Variants in NME9 observed in about 807,000 individuals in gnomAD.
NME9 encodes the protein thioredoxin domain-containing protein 6.
NME9 carries 48 observed loss-of-function variants against 44.4 expected under a neutral mutation model. The ratio of observed to expected loss-of-function variants is 1.08; its 90% confidence interval spans 0.86 to 1.37. NME9 has a LOEUF of 1.37. NME9 is among the 40% of genes most tolerant of loss of function. The probability of loss-of-function intolerance (pLI) is 0.00; values close to 1 mark genes in which losing one functional copy is unlikely to be tolerated. For synonymous variants in NME9, 139 were observed against 147.1 expected, an observed-to-expected ratio of 0.94 and a Z score of 0.40; for missense variants, 325 against 405.2, an observed-to-expected ratio of 0.80 and a Z score of 1.70.
At chr3:138,319,292 G>A (rs1401410545) in intron 3 of NME9, among the ~76,000 whole-genome samples, 186 bp downstream of exon 3, 2 of 152,128 alleles carry the variant, frequency 1.3e-5, no homozygotes. Flanking sequence ...GAGGTGGGGT[G>A]GGGAATAGGA....
intron 8 of NME9, among the ~76,000 whole-genome samples, chr3:138,283,685 G>A (rs1441480497): frequency 1.3e-5 from 2 of 152,102 alleles, no homozygotes; most frequent in Non-Finnish European, 2.9e-5. Flanking sequence ...CCTCCTGCTG[G>A]TCTGGCTTTG....
At chr3:138,264,120 A>C (rs1244039269) in intron 8 of NME9, 1 of 1,607,362 alleles carries the variant, frequency 6.2e-7, no homozygotes, top group Non-Finnish European at 8.5e-7. Flanking sequence ...AATTTTGATT[A>C]TTCTTTGTAG....
In NME9 at chr3:138,295,176, G is replaced by C. The variant is rs373654737; in HGVS notation, c.745+8331C>G. ...AGCCTCCCAAAGTGCTGGAATTACA[G>C]GTGTGAGCCACAGCACCCGGCCTAC... On this transcript the variant is annotated intron_variant, in intron 8 of 8. Coordinates refer to the NME9 transcript ENST00000317876. 9.2e-5 allele frequency among the ~76,000 whole-genome samples: 14 copies of C among 152,254 alleles called. No individual in the cohort carries two copies. The East Asian group carries it at 2.5e-3, about 27-fold the overall frequency.
chr3:138,264,994 C>T (rs1458708566), intron 8 of NME9, among the ~76,000 whole-genome samples: 2 of 151,702 alleles, frequency 1.3e-5, no homozygotes, highest in South Asian at 2.1e-4. Flanking sequence ...TGCCCCCCGG[C>T]CCAAGTGATT....
intron 8 of NME9, among the ~76,000 whole-genome samples, chr3:138,288,275 A>G (rs967094514): frequency 9.2e-5 from 14 of 152,222 alleles, no homozygotes; most frequent in African/African-American, 3.4e-4. Flanking sequence ...GGGCCATTTG[A>G]ATAAGATAAC....
intron 1 of NME9, among the ~76,000 whole-genome samples, chr3:138,325,880 C>G (rs996130693): frequency 1.0e-4 from 15 of 146,892 alleles, no homozygotes; most frequent in African/African-American, 3.3e-4. Context: ...TCCTATATAA[C>G]ACATTACGAT....
chr3:138,309,059 G>T lies in NME9; in HGVS notation c.461-2579C>A, dbSNP rs1031972981. Among the ~76,000 whole-genome samples, 137 of 152,160 alleles carry T rather than the reference G, an allele frequency of 9.0e-4. 3 individuals carry two copies. Among genetic ancestry groups the T allele is most frequent in the Non-Finnish European group, 3.4e-4 (23 of 68,006 alleles). On this transcript the variant is annotated intron_variant, in intron 6 of 10. Transcript: ENST00000333911. ...GTGGCCCAGCACTTTGGGAGGCTGAGGTGGGCAGATCACCTGACATCAGGG... is the reference window on the plus strand; with the variant it reads ...GTGGCCCAGCACTTTGGGAGGCTGATGTGGGCAGATCACCTGACATCAGGG...
At chr3:138,310,317 A>G (rs2052605150) in intron 6 of NME9, among the ~76,000 whole-genome samples, 1 of 151,772 alleles carries the variant, frequency 6.6e-6, no homozygotes, top group Admixed American at 6.6e-5. Context: ...ATACAATACT[A>G]CAATACATAG....
At chr3:138,300,591 C>T (rs575961732), downstream of NME9, among the ~76,000 whole-genome samples, 1 of 152,318 alleles carries the variant, frequency 6.6e-6, no homozygotes, top group African/African-American at 2.4e-5. Context: ...TTACTGAAAT[C>T]CTGTGTCCCT....
intron 8 of NME9, among the ~76,000 whole-genome samples, chr3:138,286,908 T>C (rs575837431): frequency 4.6e-5 from 7 of 152,224 alleles, no homozygotes; most frequent in South Asian, 2.1e-4. Flanking sequence ...GATAGCATCT[T>C]GGAATCTATC....
chr3:138,304,785 A>G lies in NME9; in HGVS notation c.791+88T>C. 7 of 1,320,906 alleles carry G rather than the reference A, an allele frequency of 5.3e-6. No individual in the cohort carries two copies. The Admixed American group carries it at 1.2e-4, about 22-fold the overall frequency. 81.8% of individuals were successfully genotyped at this position (1,320,906 alleles called of 1,614,324 possible). ...CATCAGAGAGTCCTCTGTGTTACCCATGATTCTAGGCTGAACACTGAGTGG... is the reference window on the plus strand; with the variant it reads ...CATCAGAGAGTCCTCTGTGTTACCCGTGATTCTAGGCTGAACACTGAGTGG... On this transcript the variant is annotated intron_variant, in intron 9 of 10. Transcript: ENST00000333911.
At chr3:138,289,120 G>C in intron 8 of NME9, 1 of 1,611,498 alleles carries the variant, frequency 6.2e-7, no homozygotes, top group Non-Finnish European at 8.5e-7. Flanking sequence ...TGAAGAGGAA[G>C]GTAAGAGATT....
intron 8 of NME9, chr3:138,263,920 C>A: frequency 1.7e-6 from 2 of 1,171,706 alleles, no homozygotes; most frequent in East Asian, 2.3e-5. Context: ...ACAAATGTTC[C>A]TCAAAAATCT....
At chr3:138,278,186 C>CT (rs2049492927) in intron 8 of NME9, among the ~76,000 whole-genome samples, 1 of 152,096 alleles carries the variant, frequency 6.6e-6, no homozygotes, top group Admixed American at 6.6e-5. Flanking sequence ...TAAATGCTGA[C>CT]TGTACTGGTG....
At chr3:138,300,515 A>T (rs1366731458), downstream of NME9, among the ~76,000 whole-genome samples, 4 of 152,182 alleles carry the variant, frequency 2.6e-5, no homozygotes, top group Non-Finnish European at 5.9e-5. Context: ...CAAATTTACA[A>T]ATAAAGTCGT....
intron 8 of NME9, among the ~76,000 whole-genome samples, chr3:138,280,089 A>C (rs2049731771): frequency 6.6e-6 from 1 of 151,720 alleles, no homozygotes; most frequent in African/African-American, 2.4e-5. Flanking sequence ...TTTTTAGTAG[A>C]TATGGGGTTT....
At chr3:138,298,678 C>T (rs1169501603), downstream of NME9, among the ~76,000 whole-genome samples, 5 of 152,194 alleles carry the variant, frequency 3.3e-5, no homozygotes, top group African/African-American at 9.6e-5. Context: ...CCATCCTCTT[C>T]TCCTTAGGTA....
chr3:138,270,452 A>G (rs77826404), intron 8 of NME9, among the ~76,000 whole-genome samples: 310 of 152,382 alleles, frequency 2.0e-3, no homozygotes, highest in African/African-American at 7.1e-3. Flanking sequence ...TACTTTACAA[A>G]GCACTTTCAT....
At position 138,275,422 on chromosome 3, in the gene NME9, G is replaced by A. The variant is rs1266906835; in HGVS notation, c.746-12836C>T. Among the ~76,000 whole-genome samples, 7 of 152,166 alleles carry A rather than the reference G, an allele frequency of 4.6e-5. No homozygotes were observed. In the South Asian group the frequency reaches 6.2e-4, roughly 14 times the overall value. ...AAAATACAAAAAATTAGCCAGGCGC[G>A]GTGGCGGGTGCCTGTAGTCCCAACT... On this transcript the variant is annotated intron_variant, in intron 8 of 8. Transcript: ENST00000317876.
Sources: gnomAD v4.1 joint callset for allele counts (sites outside exome capture counted in the v4.1 genomes callset) on GRCh38, gnomAD v4.1.1 for gene constraint, MANE v1.5 for transcripts, NCBI Gene and HGNC (gene_info 2026-07-23, HGNC 2026-07-21) for gene names.